Variants in CPOX observed in about 807,000 individuals in gnomAD.
CPOX encodes the protein oxygen-dependent coproporphyrinogen-III oxidase, mitochondrial.
CPOX carries 24 observed loss-of-function variants against 48.9 expected under a neutral mutation model. The observed-to-expected ratio is 0.49, with a 90% CI of 0.36 to 0.69. CPOX has a LOEUF of 0.69. CPOX is among the 30% of genes least tolerant of loss of function. The pLI, the probability that CPOX is intolerant of heterozygous loss-of-function variation, is 0.00. For synonymous variants in CPOX, 249 were observed against 234.6 expected (o/e 1.06, Z -0.56); for missense variants, 549 against 597.3 (o/e 0.92, Z 0.84).
At chr3:98,591,333 T>C (rs533876699) in intron 1 of CPOX, among the ~76,000 whole-genome samples, 178 bp from the exon 2 acceptor site, 12 of 152,340 alleles carry the variant, frequency 7.9e-5, no homozygotes, top group South Asian at 2.1e-4. Flanking sequence ...GCTATTAATA[T>C]TGGGCAAATA....
In CPOX at chr3:98,591,029, A is replaced by G; in HGVS notation, c.683T>C (p.Val228Ala). Residue 228 changes from valine to alanine, a missense_variant, in exon 2 of 7, where the codon GTT (valine) becomes GCT (alanine). Val to Ala is a moderately conservative substitution (Grantham distance 64). This residue lies in a region of CPOX where 336 missense variants were observed against 318.1 expected (regional missense o/e 1.06). Transcript: ENST00000647941. ...AAKQMRSRGK[V>A]LKTKDGKLPF... Reference sequence around the variant, plus strand: ...TGATTTACCATCTTTAGTCTTCAGAACTTTTCCTCTGCTTCTCATTTGTTT... The same window carrying G: ...TGATTTACCATCTTTAGTCTTCAGAGCTTTTCCTCTGCTTCTCATTTGTTT... 6.2e-7 allele frequency: 1 copy of G among 1,614,188 alleles called. No homozygotes were observed. The highest frequency in any genetic ancestry group is 8.5e-7 in the Non-Finnish European group (1 of 1,180,024).
intron 6 of CPOX, among the ~76,000 whole-genome samples, 190 bp from the exon 7 acceptor site, chr3:98,580,960 TTTC>T (rs1707248070): frequency 6.6e-6 from 1 of 152,148 alleles, no homozygotes; most frequent in South Asian, 2.1e-4. Flanking sequence ...AAACAAATAG[TTTC>T]TTAACAACTC....
chr3:98,590,516 TCCTGAAAGA>T, intron 3 of CPOX, 107 bp downstream of exon 3: 1 of 785,706 alleles, frequency 1.3e-6, no homozygotes, highest in Non-Finnish European at 2.2e-6. Context: ...TTACATTGCC[TCCTGAAAGA>T]CCTAATTAAG....
Position 98,580,134 on chromosome 3 carries a change from A to G in CPOX, c.*549T>C. 1 of 976,250 alleles carries G rather than the reference A, an allele frequency of 1.0e-6. No individual in the cohort carries two copies. Among genetic ancestry groups the G allele is most frequent in the Non-Finnish European group, 1.2e-6 (1 of 821,420 alleles). The allele number at this position is 976,250 out of a possible 1,614,324, so 60.5% of individuals were successfully genotyped here. The stretch of plus-strand genomic sequence containing the variant: ...TCAAGTGCTTCTAAATACCTATTAG[A>G]AAAATGTGTATCTATTTGACAATAT... On this transcript the variant is annotated 3_prime_UTR_variant, in exon 7 of 7. Transcript: ENST00000647941.
chr3:98,582,205 C>G (rs1707271054), intron 5 of CPOX, among the ~76,000 whole-genome samples: 1 of 152,042 alleles, frequency 6.6e-6, no homozygotes, highest in African/African-American at 2.4e-5. Flanking sequence ...CTAGTCAGAT[C>G]TGGACTCCTT....
chr3:98,580,859 A>G, intron 6 of CPOX, 89 bp from the exon 7 acceptor site: 1 of 1,424,138 alleles, frequency 7.0e-7, no homozygotes, highest in Non-Finnish European at 9.5e-7. Flanking sequence ...TAAAATCCTA[A>G]GAATAAAAAA....
Position 98,593,432 on chromosome 3 carries a change from G to T in CPOX, c.73C>A (p.Arg25Ser). 1 of 1,481,802 alleles carries T rather than the reference G, an allele frequency of 6.7e-7. No homozygotes were observed. The highest frequency in any genetic ancestry group is 1.5e-5 in the African/African-American group (1 of 68,458). 91.8% of individuals were successfully genotyped at this position (1,481,802 alleles called of 1,614,324 possible). A position where few individuals can be genotyped will look rare whatever the true frequency, so the allele number is the denominator to read the frequency against. The change falls in exon 1 of 7, where the codon CGC becomes AGC. Residue 25 changes from arginine (R) to serine (S), a missense_variant. Physicochemically the swap from Arg to Ser is moderately radical, Grantham distance 110. Around this residue, in one of 2 missense-constraint regions of CPOX, gnomAD observed 336 missense variants for 318.1 expected, o/e 1.06. Coordinates refer to ENST00000647941, the MANE Select transcript of CPOX (RefSeq NM_000097.7). Reference sequence around the variant, plus strand: ...CCGCCGCCGCACTGGGACCAGGCGCGGGGCCCTCCGCAGCCGCCCCGCGCC... The same window carrying T: ...CCGCCGCCGCACTGGGACCAGGCGCTGGGCCCTCCGCAGCCGCCCCGCGCC... Reference protein sequence around the residue: ...LVARGGCGGPRAWSQCGGGGL... With the variant: ...LVARGGCGGPSAWSQCGGGGL...
chr3:98,573,839 C>T, the CPOX span, among the ~76,000 whole-genome samples: 61,967 of 151,932 alleles, frequency 0.41, 12,715 homozygotes, highest in Middle Eastern at 0.48. Context: ...TTGGAAACAA[C>T]CATTGTAATA....
chr3:98,577,236 G>A (rs561210966), downstream of CPOX, among the ~76,000 whole-genome samples: 9 of 152,250 alleles, frequency 5.9e-5, no homozygotes, highest in Admixed American at 5.9e-4. Flanking sequence ...CCTGAAACAC[G>A]AGGTAGGAGT....
rs749870062 is a variant in CPOX, at chr3:98,593,142, A to ATCC, written c.360_362dup (p.Glu120dup). ...AGCTGCTGCAGCGGTGGGCCAGCTC[A>ATCC]TCCTCCTCCTCCTCCGGCCTCCCCA... On this transcript the variant is annotated inframe_insertion, in exon 1 of 7. Transcript: ENST00000647941. 6.8e-6 allele frequency: 11 copies of ATCC among 1,612,448 alleles called. No homozygotes were observed. The highest frequency in any genetic ancestry group is 3.3e-5 in the South Asian group (3 of 90,956).
chr3:98,592,409 G>A (rs943366996), intron 1 of CPOX, among the ~76,000 whole-genome samples: 4 of 152,116 alleles, frequency 2.6e-5, no homozygotes, highest in Non-Finnish European at 4.4e-5. Flanking sequence ...AATCTGATGC[G>A]TGCATTTGGT....
chr3:98,571,134 G>C, the CPOX span, among the ~76,000 whole-genome samples: 1 of 152,008 alleles, frequency 6.6e-6, no homozygotes, highest in African/African-American at 2.4e-5. Context: ...GTTGCTTCTA[G>C]ATTTTATCAT....
chr3:98,583,768 G>A (rs571843792), intron 5 of CPOX, among the ~76,000 whole-genome samples: 22 of 152,260 alleles, frequency 1.4e-4, no homozygotes, highest in African/African-American at 4.3e-4. Flanking sequence ...GAGGCAAAGT[G>A]GGTAACAGTA....
chr3:98,581,565 C>G, intron 5 of CPOX, 54 bp from the exon 6 acceptor site: 1 of 1,400,914 alleles, frequency 7.1e-7, no homozygotes. Flanking sequence ...AATCTTAAGA[C>G]TAACCCATAA....
At chr3:98,577,945 C>A (rs966314429), downstream of CPOX, among the ~76,000 whole-genome samples, 3 of 152,220 alleles carry the variant, frequency 2.0e-5, no homozygotes, top group Non-Finnish European at 4.4e-5. Flanking sequence ...CGTGCAGAAG[C>A]ACTTATCTCA....
At position 98,593,460 on chromosome 3, in the gene CPOX, G is replaced by C; in HGVS notation, c.45C>G (p.Leu15=). ...GCCCTCCGCAGCCGCCCCGCGCCACGAGCCAGCAGGGGCCCGAGCTCAGCC... is the reference window on the plus strand; with the variant it reads ...GCCCTCCGCAGCCGCCCCGCGCCACCAGCCAGCAGGGGCCCGAGCTCAGCC... ...LGRLSSGPCW[L]VARGGCGGPR... The change falls in exon 1 of 7, where the codon CTC becomes CTG. Residue 15 remains leucine, a synonymous_variant. Coordinates refer to ENST00000647941, the MANE Select transcript of CPOX (RefSeq NM_000097.7). 1 of 1,493,762 alleles carries C rather than the reference G, an allele frequency of 6.7e-7. No individual in the cohort carries two copies. The highest frequency in any genetic ancestry group is 1.3e-5 in the South Asian group (1 of 79,802). 92.5% of individuals were successfully genotyped at this position (1,493,762 alleles called of 1,614,324 possible).
intron 3 of CPOX, 109 bp from the exon 4 acceptor site, chr3:98,588,963 G>T: frequency 7.7e-7 from 1 of 1,291,296 alleles, no homozygotes; most frequent in African/African-American, 1.5e-5. Flanking sequence ...TAAAATGGAT[G>T]ACAATAAAAA....
At chr3:98,573,998 T>C in the CPOX span, among the ~76,000 whole-genome samples, 1 of 152,162 alleles carries the variant, frequency 6.6e-6, no homozygotes, top group African/African-American at 2.4e-5. Flanking sequence ...GTGATGCTCT[T>C]TTATTACACT....
chr3:98,592,471 T>C (rs1043474003), intron 1 of CPOX, among the ~76,000 whole-genome samples: 8 of 151,924 alleles, frequency 5.3e-5, no homozygotes, highest in African/African-American at 1.9e-4. Flanking sequence ...TAAAAAGAAG[T>C]GGGAAGATTC....
Sources: allele counts gnomAD v4.1 joint callset (sites outside exome capture counted in the v4.1 genomes callset), GRCh38; gene constraint gnomAD v4.1.1; regional missense constraint gnomAD v4.1.1; transcripts MANE v1.5; gene names NCBI Gene and HGNC (gene_info 2026-07-23, HGNC 2026-07-21).